The following RBFOX1 variants were observed in gnomAD, a reference collection of about 807,000 sequenced individuals.
RBFOX1 encodes RNA binding protein fox-1 homolog 1.
In RBFOX1, 8 loss-of-function variants were observed where a neutral mutation model predicts 57.7. That is an observed-to-expected ratio of 0.14 (90% CI 0.08 to 0.25). The LOEUF (loss-of-function observed/expected upper bound fraction) is 0.25. Ranked by LOEUF, RBFOX1 falls within the 10% of genes least tolerant of loss-of-function variation. The probability of loss-of-function intolerance (pLI) is 1.00; values close to 1 mark genes in which losing one functional copy is unlikely to be tolerated. For missense variants in RBFOX1, 611 were observed against 548.5 expected (o/e 1.11, Z -1.14); for synonymous variants, 326 against 222.4 (o/e 1.47, Z -4.15).
intron 2 of RBFOX1, among the ~76,000 whole-genome samples, chr16:5,542,990 A>C (rs565962544): frequency 4.4e-4 from 67 of 152,326 alleles, no homozygotes; most frequent in African/African-American, 1.3e-3. Flanking sequence ...AAAACCTCAC[A>C]GTTTATAAGA....
At chr16:7,314,952 C>G (rs906148933) in intron 4 of RBFOX1, among the ~76,000 whole-genome samples, 1 of 152,202 alleles carries the variant, frequency 6.6e-6, no homozygotes, top group African/African-American at 2.4e-5. Flanking sequence ...AAAGTTTCTT[C>G]TCTTGAGTAA....
chr16:6,795,063 G>T (rs2083700034), intron 3 of RBFOX1, among the ~76,000 whole-genome samples: 1 of 152,244 alleles, frequency 6.6e-6, no homozygotes, highest in Admixed American at 6.5e-5. Flanking sequence ...TAGTTGATGT[G>T]ATATATGTCA....
At chr16:6,827,118 A>C (rs1038918480) in intron 3 of RBFOX1, among the ~76,000 whole-genome samples, 4 of 152,146 alleles carry the variant, frequency 2.6e-5, no homozygotes, top group Admixed American at 6.5e-5. Context: ...CTTTAATCTA[A>C]CACCAGTGAA....
chr16:5,621,987 C>A (rs1413899814), intron 3 of RBFOX1, among the ~76,000 whole-genome samples: 2 of 152,180 alleles, frequency 1.3e-5, no homozygotes, highest in African/African-American at 4.8e-5. Flanking sequence ...ACAACACAGA[C>A]CTTGGCCACG....
chr16:6,905,155 G>T (rs1017630718), intron 3 of RBFOX1, among the ~76,000 whole-genome samples: 2 of 151,938 alleles, frequency 1.3e-5, no homozygotes, highest in Non-Finnish European at 2.9e-5. Flanking sequence ...GTTGGTCAGG[G>T]TTTTCAAATC....
rs1488510865 is a variant in RBFOX1 at position 6,970,493 on chromosome 16, T to C, written c.-15-81564T>C. Among the ~76,000 whole-genome samples the C allele has an allele frequency of 4.6e-5, 7 of 152,290 alleles. No homozygotes were observed. In the East Asian group the frequency reaches 1.4e-3, roughly 29 times the overall value. On this transcript the variant is annotated intron_variant, in intron 3 of 15. Transcript: ENST00000550418. ...GTACATTGCTCACAGTTCTGGAAGC[T>C]GGGCATTCTAAGATCAGAGACATCA...
chr16:7,102,693 T>C lies in RBFOX1; in HGVS notation c.27+50595T>C, dbSNP rs576744380. The stretch of plus-strand genomic sequence containing the variant: ...CTCGCTAATCTTGCACACCAGCATG[T>C]GATAGTTTATTTTATGGAGAAAGTA... On this transcript the variant is annotated intron_variant, in intron 4 of 15. Transcript: ENST00000550418. 3.9e-5 allele frequency among the ~76,000 whole-genome samples: 6 copies of C among 152,304 alleles called. No homozygotes were observed. In the South Asian group the frequency reaches 1.2e-3, roughly 32 times the overall value.
chr16:6,709,555 G>A (rs1216229497), intron 3 of RBFOX1, among the ~76,000 whole-genome samples: 1 of 152,100 alleles, frequency 6.6e-6, no homozygotes, highest in Non-Finnish European at 1.5e-5. Context: ...TTTGTGAAGG[G>A]TATTAATCTT....
intron 5 of RBFOX1, among the ~76,000 whole-genome samples, chr16:7,526,341 C>T (rs2078704322): frequency 6.6e-6 from 1 of 152,096 alleles, no homozygotes; most frequent in Admixed American, 6.6e-5. Context: ...TCGTGGCTGC[C>T]CTCTAGCTTA....
intron 1 of RBFOX1, among the ~76,000 whole-genome samples, chr16:6,200,360 G>A (rs1031091882): frequency 1.3e-5 from 2 of 152,046 alleles, no homozygotes; most frequent in African/African-American, 2.4e-5. Flanking sequence ...CATCTGCGAT[G>A]TAGTAGGGTC....
At chr16:5,876,002 C>T (rs1046424812) in intron 4 of RBFOX1, among the ~76,000 whole-genome samples, 3 of 152,012 alleles carry the variant, frequency 2.0e-5, no homozygotes, top group African/African-American at 7.3e-5. Flanking sequence ...CGACAGCACA[C>T]CCAGCTAATT....
intron 3 of RBFOX1, among the ~76,000 whole-genome samples, chr16:5,822,940 A>T (rs1192672869): frequency 6.6e-6 from 1 of 152,192 alleles, no homozygotes; most frequent in Non-Finnish European, 1.5e-5. Context: ...TTTCCACATG[A>T]TAACTGCATA....
intron 2 of RBFOX1, among the ~76,000 whole-genome samples, chr16:6,557,550 A>G (rs2097122981): frequency 6.6e-6 from 1 of 152,194 alleles, no homozygotes; most frequent in Non-Finnish European, 1.5e-5. Context: ...TCTGACGTTC[A>G]GAAATGTTGA....
rs567584364 is a variant in RBFOX1, at chr16:7,634,694, G to A, written c.757+4011G>A. Among the ~76,000 whole-genome samples the A allele has an allele frequency of 9.2e-5, 14 of 152,000 alleles. No individual in the cohort carries two copies. The South Asian group carries it at 2.7e-3, about 29-fold the overall frequency. On this transcript the variant is annotated intron_variant, in intron 11 of 15. Transcript: ENST00000550418. ...AACTAATTCCGTAGACTCTTCCATC[G>A]GACCCCAAATGACTCCAGTTTTTCT...
chr16:6,270,260 C>T (rs761918252), intron 1 of RBFOX1, among the ~76,000 whole-genome samples: 1 of 151,862 alleles, frequency 6.6e-6, no homozygotes, highest in South Asian at 2.1e-4. Flanking sequence ...ATGGCAATGG[C>T]CTATATACAC....
intron 3 of RBFOX1, among the ~76,000 whole-genome samples, chr16:5,628,465 G>C (rs1282055663): frequency 6.6e-6 from 1 of 152,108 alleles, no homozygotes; most frequent in Non-Finnish European, 1.5e-5. Flanking sequence ...TAGTGATCAT[G>C]CTGTGTTTGT....
At chr16:7,421,588 A>G (rs902583385) in intron 4 of RBFOX1, among the ~76,000 whole-genome samples, 1 of 152,220 alleles carries the variant, frequency 6.6e-6, no homozygotes, top group African/African-American at 2.4e-5. Flanking sequence ...TTGAGGAAAT[A>G]AAAGGTAGGT....
intron 2 of RBFOX1, among the ~76,000 whole-genome samples, chr16:6,637,010 A>T (rs1159585429): frequency 8.2e-6 from 1 of 122,258 alleles, no homozygotes; most frequent in Non-Finnish European, 1.6e-5. Context: ...AATATGTATA[A>T]ATATGTGTAT....
At chr16:6,870,963 C>G (rs145841358) in intron 3 of RBFOX1, among the ~76,000 whole-genome samples, 2 of 152,294 alleles carry the variant, frequency 1.3e-5, no homozygotes, top group African/African-American at 4.8e-5. Flanking sequence ...TTCCTGTAGA[C>G]CTGGATGTAA....
Sources: gnomAD v4.1 joint callset for allele counts (sites outside exome capture counted in the v4.1 genomes callset) on GRCh38, gnomAD v4.1.1 for gene constraint, MANE v1.5 for transcripts, NCBI Gene and HGNC (gene_info 2026-07-23, HGNC 2026-07-21) for gene names.